KCNIP1: variants seen among roughly 807,000 people sequenced by gnomAD.
KCNIP1 encodes the protein A-type potassium channel modulatory protein KCNIP1.
In KCNIP1, 18 loss-of-function variants were observed where a neutral mutation model predicts 33.0. The ratio of observed to expected loss-of-function variants is 0.55; its 90% CI spans 0.38 to 0.81. The LOEUF is 0.81. Among genes scored for constraint, KCNIP1 ranks in the 30% least tolerant of loss-of-function variants. The probability of loss-of-function intolerance (pLI) is 0.00; values close to 1 mark genes in which losing one functional copy is unlikely to be tolerated. For missense variants in KCNIP1, 238 were observed against 271.6 expected, an observed-to-expected ratio of 0.88 and a Z score of 0.87; for synonymous variants, 93 against 98.3, an observed-to-expected ratio of 0.95 and a Z score of 0.32.
chr5:170,543,326 T>G (rs1442603036), intron 1 of KCNIP1, among the ~76,000 whole-genome samples: 1 of 152,182 alleles, frequency 6.6e-6, no homozygotes, highest in Non-Finnish European at 1.5e-5. Context: ...AGAAACTTCT[T>G]AAAACAAATG....
At chr5:170,385,328 G>C (rs776683896) in intron 1 of KCNIP1, 1 of 1,614,152 alleles carries the variant, frequency 6.2e-7, no homozygotes, top group South Asian at 1.1e-5. Flanking sequence ...TCTGGTAGAG[G>C]GGCAGCACAG....
chr5:170,527,619 A>C (rs960571838), intron 1 of KCNIP1, among the ~76,000 whole-genome samples: 3 of 151,636 alleles, frequency 2.0e-5, no homozygotes, highest in African/African-American at 7.3e-5. Flanking sequence ...GCTAGTCACG[A>C]ATAATCAGAA....
chr5:170,614,048 GA>G (rs1365046700), intron 1 of KCNIP1, among the ~76,000 whole-genome samples: 9 of 152,204 alleles, frequency 5.9e-5, no homozygotes, highest in African/African-American at 1.7e-4. Flanking sequence ...CAAGTCCCTG[GA>G]AACACAATTG....
At chr5:170,665,619 A>G (rs747012349) in intron 1 of KCNIP1, among the ~76,000 whole-genome samples, 2 of 152,208 alleles carry the variant, frequency 1.3e-5, no homozygotes, top group Non-Finnish European at 2.9e-5. Context: ...ATGTTGCAAT[A>G]TTATTATTTG....
At position 170,613,104 on chromosome 5, in the gene KCNIP1, C is replaced by T. The variant is rs1759237034; in HGVS notation, c.62-105654C>T. Among the ~76,000 whole-genome samples, 3 of 152,238 alleles carry T rather than the reference C, an allele frequency of 2.0e-5. No individual in the cohort carries two copies. In the South Asian group the frequency reaches 6.2e-4, roughly 31 times the overall value. ...AGCTGATCCCTTTGTTCCCAATGCCCTTCCACCCTGTCTCCACCTGGCATA... is the reference window on the plus strand; with the variant it reads ...AGCTGATCCCTTTGTTCCCAATGCCTTTCCACCCTGTCTCCACCTGGCATA... On this transcript the variant is annotated intron_variant, in intron 1 of 7. Coordinates refer to ENST00000328939, the MANE Select transcript of KCNIP1 (RefSeq NM_014592.4).
At chr5:170,386,127 A>AC (rs926443302) in intron 1 of KCNIP1, among the ~76,000 whole-genome samples, 4 of 152,060 alleles carry the variant, frequency 2.6e-5, no homozygotes, top group African/African-American at 7.3e-5. Context: ...TCCGTCAAAA[A>AC]AAAAAACAAA....
chr5:170,563,050 G>C (rs543951295), intron 1 of KCNIP1, among the ~76,000 whole-genome samples: 1 of 152,250 alleles, frequency 6.6e-6, no homozygotes, highest in African/African-American at 2.4e-5. Flanking sequence ...AGTTCCCCTC[G>C]TACGCTGCCC....
chr5:170,556,079 T>C (rs761747888), intron 1 of KCNIP1, among the ~76,000 whole-genome samples: 18 of 152,328 alleles, frequency 1.2e-4, no homozygotes, highest in Admixed American at 6.5e-4. Flanking sequence ...ACACAAAATA[T>C]GTACGAGGCA....
intron 1 of KCNIP1, among the ~76,000 whole-genome samples, chr5:170,359,314 A>C (rs771090073): frequency 3.9e-5 from 6 of 152,128 alleles, no homozygotes; most frequent in Non-Finnish European, 7.4e-5. Context: ...GCTGGAATTG[A>C]GGTGTTGCAG....
chr5:170,383,572 G>A, intron 1 of KCNIP1: 1 of 1,247,854 alleles, frequency 8.0e-7, no homozygotes, highest in South Asian at 1.3e-5. Flanking sequence ...GTGAGACCTG[G>A]TCAAGTGGGT....
intron 1 of KCNIP1, among the ~76,000 whole-genome samples, chr5:170,544,948 A>G (rs1051620673): frequency 2.0e-5 from 3 of 152,102 alleles, no homozygotes; most frequent in Non-Finnish European, 4.4e-5. Flanking sequence ...TACTAACCCA[A>G]ATATCTCTCC....
chr5:170,357,716 C>T (rs1763385737), intron 1 of KCNIP1, among the ~76,000 whole-genome samples: 1 of 152,164 alleles, frequency 6.6e-6, no homozygotes, highest in African/African-American at 2.4e-5. Flanking sequence ...TTTATAGAGA[C>T]AGGGTCTCAC....
intron 1 of KCNIP1, among the ~76,000 whole-genome samples, chr5:170,368,005 T>C (rs1453123415): frequency 6.6e-6 from 1 of 152,236 alleles, no homozygotes; most frequent in African/African-American, 2.4e-5. Flanking sequence ...ATTAAATAAA[T>C]TTTGGTTCAT....
chr5:170,414,115 A>G lies in KCNIP1; in HGVS notation c.88+60151A>G, dbSNP rs75756033. ...CTGGCTCCAGAATTCTGTAAATCCA[A>G]TCAAGAGTGTTGCAATCAGTTAGCA... On this transcript the variant is annotated intron_variant, in intron 1 of 7. Coordinates refer to the KCNIP1 transcript ENST00000377360. 2.5e-3 allele frequency among the ~76,000 whole-genome samples: 388 copies of G among 152,244 alleles called. 1 individual carries two copies. The highest frequency in any genetic ancestry group is 8.8e-3 in the African/African-American group (366 of 41,548).
chr5:170,624,994 T>C (rs1162291020), intron 1 of KCNIP1, among the ~76,000 whole-genome samples: 3 of 152,132 alleles, frequency 2.0e-5, no homozygotes, highest in Non-Finnish European at 2.9e-5. Flanking sequence ...TGGGGCACTA[T>C]AGCAGAGAGG....
intron 1 of KCNIP1, chr5:170,678,974 G>A (rs1268757237): frequency 1.3e-5 from 2 of 152,182 alleles, no homozygotes; most frequent in African/African-American, 4.8e-5. Context: ...CCGCATATCT[G>A]GATATGTGAA....
intron 1 of KCNIP1, among the ~76,000 whole-genome samples, chr5:170,437,095 G>A (rs1469151846): frequency 6.6e-6 from 1 of 152,184 alleles, no homozygotes; most frequent in Non-Finnish European, 1.5e-5. Context: ...ATCGGAAAAT[G>A]GGGGTATGAT....
intron 1 of KCNIP1, among the ~76,000 whole-genome samples, chr5:170,625,502 A>G (rs1046816730): frequency 6.6e-6 from 1 of 151,964 alleles, no homozygotes; most frequent in African/African-American, 2.4e-5. Flanking sequence ...GCGCCCCTCT[A>G]TGGAAGGGAA....
intron 1 of KCNIP1, among the ~76,000 whole-genome samples, chr5:170,417,323 GA>G: frequency 6.6e-6 from 1 of 152,232 alleles, no homozygotes; most frequent in South Asian, 2.1e-4. Flanking sequence ...TTTCTACAAT[GA>G]ACATGTACTA....
Sources: allele counts gnomAD v4.1 joint callset (sites outside exome capture counted in the v4.1 genomes callset), GRCh38; gene constraint gnomAD v4.1.1; transcripts MANE v1.5; gene names NCBI Gene and HGNC (gene_info 2026-07-23, HGNC 2026-07-21).